Variants in TSPAN13 observed in about 807,000 individuals in gnomAD.
TSPAN13 encodes the protein tetraspanin 13.
A neutral mutation model predicts 26.9 loss-of-function variants in TSPAN13; 18 were observed. The ratio of observed to expected loss-of-function variants is 0.67; its 90% CI spans 0.46 to 0.99. The LOEUF (loss-of-function observed/expected upper bound fraction) is 0.99, where lower values mean the gene tolerates loss of function less well. TSPAN13 is among the 50% of genes least tolerant of loss of function. TSPAN13 has a pLI of 0.00. For missense variants in TSPAN13, 201 were observed against 249.6 expected, an observed-to-expected ratio of 0.81 and a Z score of 1.31; for synonymous variants, 116 against 98.4, an observed-to-expected ratio of 1.18 and a Z score of -1.06.
intron 1 of TSPAN13, among the ~76,000 whole-genome samples, chr7:16,768,513 ATTAGT>A (rs1784635332): frequency 6.6e-6 from 1 of 152,244 alleles, no homozygotes; most frequent in South Asian, 2.1e-4. Flanking sequence ...TGAAGATTAA[ATTAGT>A]TAATAAATGT....
At chr7:16,756,257 T>G (rs1167499248) in intron 1 of TSPAN13, among the ~76,000 whole-genome samples, 1 of 152,200 alleles carries the variant, frequency 6.6e-6, no homozygotes, top group Admixed American at 6.5e-5. Context: ...GCATGAAGAC[T>G]TGGGAGACAT....
At chr7:16,766,368 G>C (rs897710267) in intron 1 of TSPAN13, among the ~76,000 whole-genome samples, 1 of 152,152 alleles carries the variant, frequency 6.6e-6, no homozygotes, top group African/African-American at 2.4e-5. Context: ...TTTCACCTTT[G>C]GGAATGGCCC....
intron 5 of TSPAN13, among the ~76,000 whole-genome samples, chr7:16,782,428 C>A (rs562226568): frequency 1.3e-5 from 2 of 152,072 alleles, no homozygotes; most frequent in African/African-American, 4.8e-5. Flanking sequence ...AGTTGGCACA[C>A]GTATAAAGTG....
chr7:16,759,695 CTTTCTTTTTTTT>C (rs1562516511), intron 1 of TSPAN13, among the ~76,000 whole-genome samples: 1 of 139,494 alleles, frequency 7.2e-6, no homozygotes, highest in African/African-American at 2.7e-5. Context: ...TCTTTTCTTT[CTTTCTTTTTTTT>C]TTTTTTTTTG....
chr7:16,780,243 G>C, intron 5 of TSPAN13, among the ~76,000 whole-genome samples: 1 of 151,884 alleles, frequency 6.6e-6, no homozygotes, highest in East Asian at 1.9e-4. Flanking sequence ...GGGGTTACAG[G>C]CATGCACCAC....
chr7:16,760,014 G>T (rs923901314), intron 1 of TSPAN13, among the ~76,000 whole-genome samples: 10 of 152,190 alleles, frequency 6.6e-5, no homozygotes, highest in African/African-American at 1.2e-4. Context: ...TTTATGCAAG[G>T]GACAGATGAG....
At chr7:16,755,935 A>G (rs756839444) in intron 1 of TSPAN13, among the ~76,000 whole-genome samples, 3 of 152,194 alleles carry the variant, frequency 2.0e-5, no homozygotes, top group African/African-American at 4.8e-5. Flanking sequence ...TTTAATAGCT[A>G]TGCAGTAAAA....
At chr7:16,781,087 C>A (rs1784809079) in intron 5 of TSPAN13, among the ~76,000 whole-genome samples, 1 of 152,084 alleles carries the variant, frequency 6.6e-6, no homozygotes, top group Non-Finnish European at 1.5e-5. Context: ...ATTTATTATA[C>A]CTTTAAACAA....
intron 1 of TSPAN13, among the ~76,000 whole-genome samples, chr7:16,763,735 TTGGTGGGCCAGAATTTTGTG>T (rs1784574295): frequency 6.6e-6 from 1 of 152,200 alleles, no homozygotes. Flanking sequence ...GCAGCCATGA[TTGGTGGGCCAGAATTTTGTG>T]TGTCTGCTGC....
Position 16,753,755 on chromosome 7 carries a change from C to G in TSPAN13, c.-213C>G, listed in dbSNP as rs1004591346. 2.3e-6 allele frequency: 1 copy of G among 441,876 alleles called. No individual in the cohort carries two copies. Among genetic ancestry groups the G allele is most frequent in the Non-Finnish European group, 3.9e-6 (1 of 253,620 alleles). 27.4% of individuals were successfully genotyped at this position (441,876 alleles called of 1,614,324 possible). ...GCTGGGCGGGGCTCGGGCTCCTGCT[C>G]CGGCTCAGCTGCGGCGGCCGCAGGT... is the stretch of plus-strand genomic sequence containing the variant. On this transcript the variant is annotated 5_prime_UTR_variant, in exon 1 of 6. Transcript: ENST00000262067.
intron 4 of TSPAN13, among the ~76,000 whole-genome samples, chr7:16,778,660 GGCA>G (rs779592310): frequency 9.3e-4 from 142 of 152,198 alleles, no homozygotes; most frequent in Non-Finnish European, 1.8e-3. Flanking sequence ...TTCACAATGT[GGCA>G]GCATCAAAGT....
At chr7:16,768,064 C>T (rs891742571) in intron 1 of TSPAN13, among the ~76,000 whole-genome samples, 3 of 152,110 alleles carry the variant, frequency 2.0e-5, no homozygotes, top group African/African-American at 7.2e-5. Context: ...AGGCGGGTGC[C>T]ACCACGCCCA....
chr7:16,777,302 C>G (rs1784762090), intron 3 of TSPAN13, among the ~76,000 whole-genome samples, 180 bp downstream of exon 3: 1 of 152,192 alleles, frequency 6.6e-6, no homozygotes, highest in South Asian at 2.1e-4. Flanking sequence ...CGGACACCAT[C>G]AGGTGTTGCC....
At chr7:16,773,337 T>TA (rs34398039) in intron 1 of TSPAN13, among the ~76,000 whole-genome samples, 13,014 of 143,362 alleles carry the variant, frequency 0.091, 641 homozygotes, top group East Asian at 0.18. Context: ...TTTTGAATGT[T>TA]AAAAAAAAAA....
intron 1 of TSPAN13, among the ~76,000 whole-genome samples, chr7:16,767,670 A>G (rs988875050): frequency 1.3e-5 from 2 of 152,070 alleles, no homozygotes; most frequent in African/African-American, 4.8e-5. Flanking sequence ...ACTTGTACAC[A>G]AGTTTTAGGT....
intron 4 of TSPAN13, among the ~76,000 whole-genome samples, chr7:16,778,325 T>G (rs1025740276): frequency 1.3e-5 from 2 of 152,262 alleles, no homozygotes; most frequent in Admixed American, 1.3e-4. Flanking sequence ...GTCTGTGTTA[T>G]GTTTCTGTTG....
In TSPAN13 at chr7:16,783,690, G is replaced by T. The variant is rs1025099893; in HGVS notation, c.*199G>T. The T allele has an allele frequency of 3.4e-6, 2 of 581,964 alleles. No individual in the cohort carries two copies. The highest frequency in any genetic ancestry group is 2.4e-5 in the South Asian group (1 of 41,298). 36.1% of individuals were successfully genotyped at this position (581,964 alleles called of 1,614,324 possible). A position where few individuals can be genotyped will look rare whatever the true frequency, so the allele number is the denominator to read the frequency against. ...TTGCTGAAAAATATTTGAAACTTGT[G>T]GTCTCTGAAGCTCGGTGGCACCTGG... On this transcript the variant is annotated 3_prime_UTR_variant, in exon 6 of 6. Transcript: ENST00000262067.
intron 1 of TSPAN13, among the ~76,000 whole-genome samples, chr7:16,755,785 G>C (rs1374055661): frequency 1.3e-5 from 2 of 152,036 alleles, no homozygotes; most frequent in Non-Finnish European, 2.9e-5. Context: ...GAAGTTCCTT[G>C]CTTTCTAGAC....
Position 16,753,909 on chromosome 7 carries a change from C to T in TSPAN13, c.-59C>T. On this transcript the variant is annotated 5_prime_UTR_variant, in exon 1 of 6. Coordinates refer to ENST00000262067, the MANE Select transcript of TSPAN13 (RefSeq NM_014399.4). The stretch of plus-strand genomic sequence containing the variant: ...CCAAAGGCAAGGACAAAGCAGCTGT[C>T]AGGGAACCTCCGCCGGAGTCGAATT... The T allele has an allele frequency of 1.3e-6, 2 of 1,555,830 alleles. No individual in the cohort carries two copies. The highest frequency in any genetic ancestry group is 1.4e-5 in the African/African-American group (1 of 73,332).
Sources: allele counts gnomAD v4.1 joint callset (sites outside exome capture counted in the v4.1 genomes callset), GRCh38; gene constraint gnomAD v4.1.1; transcripts MANE v1.5; gene names NCBI Gene and HGNC (gene_info 2026-07-23, HGNC 2026-07-21).